SEMA7A: variants seen among roughly 807,000 people sequenced by gnomAD.
The protein encoded by SEMA7A is semaphorin 7A (JohnMiltonHagen blood group).
In SEMA7A, 21 loss-of-function variants were observed where a neutral mutation model predicts 67.5. The observed-to-expected ratio is 0.31, with a 90% CI of 0.22 to 0.45. SEMA7A has a LOEUF of 0.45. Among genes scored for constraint, SEMA7A ranks in the 20% least tolerant of loss-of-function variants. The probability of loss-of-function intolerance (pLI) is 1.00; values close to 1 mark genes in which losing one functional copy is unlikely to be tolerated. For synonymous variants in SEMA7A, 364 were observed against 368.5 expected, an observed-to-expected ratio of 0.99 and a Z score of 0.14; for missense variants, 774 against 908.6, an observed-to-expected ratio of 0.85 and a Z score of 1.90.
chr15:74,417,760 CA>C, intron 4 of SEMA7A, 85 bp from the exon 5 acceptor site: 1 of 1,545,898 alleles, frequency 6.5e-7, no homozygotes, highest in Non-Finnish European at 8.9e-7. Context: ...CCAGGAGCCC[CA>C]TCCTCCCAGG....
intron 6 of SEMA7A, 129 bp downstream of exon 6, chr15:74,417,206 A>G: frequency 2.7e-6 from 2 of 742,828 alleles, no homozygotes; most frequent in Non-Finnish European, 4.7e-6. Flanking sequence ...GGCCTATACC[A>G]AGGTCCTGCT....
At chr15:74,433,224 C>A (rs1024640308) in intron 1 of SEMA7A, among the ~76,000 whole-genome samples, 1 of 151,486 alleles carries the variant, frequency 6.6e-6, no homozygotes, top group African/African-American at 2.4e-5. Flanking sequence ...GGGGCGGGGG[C>A]GGGGGCAGGC....
intron 1 of SEMA7A, among the ~76,000 whole-genome samples, chr15:74,431,288 C>G (rs2061086434): frequency 6.6e-6 from 1 of 152,150 alleles, no homozygotes; most frequent in South Asian, 2.1e-4. Context: ...CAAGGACACC[C>G]AGCAGGTACA....
chr15:74,411,285 G>T lies in SEMA7A; in HGVS notation c.1639+10C>A, dbSNP rs766135470. 2 of 1,613,506 alleles carry T rather than the reference G, an allele frequency of 1.2e-6. No individual in the cohort carries two copies. The highest frequency in any genetic ancestry group is 1.7e-5 in the Admixed American group (1 of 59,970). On this transcript the variant is annotated intron_variant, in intron 13 of 13. Coordinates refer to ENST00000261918, the MANE Select transcript of SEMA7A (RefSeq NM_003612.5). This position sits in a 1 kb window ranked among gnomAD's most constrained non-coding sequence, Gnocchi z 4.4. Reference sequence around the variant, plus strand: ...TGGGCCACAGCCGCCAGCAGGGCCAGATCAGGTACCTGGTTTGGGGTTGGG... The same window carrying T: ...TGGGCCACAGCCGCCAGCAGGGCCATATCAGGTACCTGGTTTGGGGTTGGG...
At position 74,415,995 on chromosome 15, in the gene SEMA7A, T is replaced by C. The variant is rs571389930; in HGVS notation, c.802-10A>G. ...CCCCACCCTGGTCCCCCTGGAAGGGTAGAGGGGAGAAGAGGCCCCTCAGCA... is the reference window on the plus strand; with the variant it reads ...CCCCACCCTGGTCCCCCTGGAAGGGCAGAGGGGAGAAGAGGCCCCTCAGCA... On this transcript the variant is annotated splice_polypyrimidine_tract_variant and intron_variant, in intron 7 of 13. Transcript: ENST00000261918. The C allele has an allele frequency of 6.8e-6, 11 of 1,612,374 alleles. No individual in the cohort carries two copies. In the African/African-American group the frequency reaches 8.0e-5, roughly 12 times the overall value.
At chr15:74,417,713 C>A in intron 4 of SEMA7A, 38 bp from the exon 5 acceptor site, 1 of 1,578,840 alleles carries the variant, frequency 6.3e-7, no homozygotes, top group South Asian at 1.1e-5. Flanking sequence ...CCACATAATC[C>A]CACAGCCACT....
intron 1 of SEMA7A, among the ~76,000 whole-genome samples, chr15:74,432,312 G>A (rs756655550): frequency 7.2e-5 from 11 of 152,168 alleles, no homozygotes; most frequent in Non-Finnish European, 5.9e-5. Flanking sequence ...GGATGGCAGA[G>A]GGGTGTGCAG....
In SEMA7A at chr15:74,417,842, G is replaced by A. The variant is rs1259330158; in HGVS notation, c.465+35C>T. 6.8e-6 allele frequency: 11 copies of A among 1,607,558 alleles called. No individual in the cohort carries two copies. The South Asian group carries it at 9.9e-5, about 14-fold the overall frequency. ...GGCAGAAGCCCACGCAGTAGAAGGT[G>A]AGCTGATCAGGCACATGGGGAGCAG... On this transcript the variant is annotated intron_variant, in intron 4 of 13. Coordinates refer to ENST00000261918, the MANE Select transcript of SEMA7A (RefSeq NM_003612.5).
At chr15:74,426,088 C>T (rs1350360179) in intron 1 of SEMA7A, among the ~76,000 whole-genome samples, 1 of 152,126 alleles carries the variant, frequency 6.6e-6, no homozygotes, top group African/African-American at 2.4e-5. Flanking sequence ...GCCTGGCCAA[C>T]ATGGTGAAAC....
chr15:74,433,540 G>A, intron 1 of SEMA7A: 1 of 1,207,912 alleles, frequency 8.3e-7, no homozygotes. Context: ...GCTCGCCGCA[G>A]CGTTACAGCC....
intron 1 of SEMA7A, among the ~76,000 whole-genome samples, chr15:74,419,520 G>A (rs2060981235): frequency 6.6e-6 from 1 of 152,138 alleles, no homozygotes; most frequent in Admixed American, 6.5e-5. Flanking sequence ...CCCATCCCCA[G>A]CCCCTTAGTG....
chr15:74,417,979 G>A lies in SEMA7A; in HGVS notation c.373-10C>T. 3.1e-6 allele frequency: 5 copies of A among 1,612,336 alleles called. No homozygotes were observed. The highest frequency in any genetic ancestry group is 3.4e-6 in the Non-Finnish European group (4 of 1,179,734). ...TGTAGTTCTCGCAGTCCTGCCCGGG[G>A]AAGAGAGAAGGGAGGAGAGAAATTG... On this transcript the variant is annotated splice_polypyrimidine_tract_variant and intron_variant, in intron 3 of 13. Transcript: ENST00000261918.
chr15:74,430,714 C>T (rs1351382983), intron 1 of SEMA7A, among the ~76,000 whole-genome samples: 1 of 152,220 alleles, frequency 6.6e-6, no homozygotes, highest in Non-Finnish European at 1.5e-5. Flanking sequence ...CCATGAGACT[C>T]TGTGGAGGGA....
chr15:74,433,653 C>G, intron 1 of SEMA7A, 88 bp downstream of exon 1: 1 of 1,313,056 alleles, frequency 7.6e-7, no homozygotes, highest in Non-Finnish European at 9.7e-7. Flanking sequence ...GAGCTGCGCG[C>G]ACGCACTCCC....
At chr15:74,412,499 C>A (rs2060910477) in intron 10 of SEMA7A, among the ~76,000 whole-genome samples, 1 of 152,204 alleles carries the variant, frequency 6.6e-6, no homozygotes, top group Non-Finnish European at 1.5e-5. Flanking sequence ...AACCACTCAG[C>A]TGCTTCTACA....
At chr15:74,419,970 C>T (rs1438656519) in intron 1 of SEMA7A, among the ~76,000 whole-genome samples, 7 of 152,116 alleles carry the variant, frequency 4.6e-5, no homozygotes, top group South Asian at 2.1e-4. Flanking sequence ...GTGGTTGTGC[C>T]CCCAGCAATC....
chr15:74,430,571 G>A (rs369822796), intron 1 of SEMA7A, among the ~76,000 whole-genome samples: 11 of 152,162 alleles, frequency 7.2e-5, no homozygotes, highest in South Asian at 4.1e-4. Context: ...CCATTCCACC[G>A]GACCTGCTCT....
rs370613645 is a variant in SEMA7A at position 74,425,056 on chromosome 15, G to C, written c.179-6104C>G. Among the ~76,000 whole-genome samples the C allele has an allele frequency of 6.0e-4, 92 of 152,324 alleles. No individual in the cohort carries two copies. In the South Asian group the frequency reaches 0.019, roughly 31 times the overall value. On this transcript the variant is annotated intron_variant, in intron 1 of 13. Coordinates refer to ENST00000261918, the MANE Select transcript of SEMA7A (RefSeq NM_003612.5). Reference sequence around the variant, plus strand: ...GGTTCCCCAGTCTTAGCCTTAGCCTGAACCAGCAGGGGAGACTGAGCAAGG... The same window carrying C: ...GGTTCCCCAGTCTTAGCCTTAGCCTCAACCAGCAGGGGAGACTGAGCAAGG...
Position 74,412,019 on chromosome 15 carries a change from A to T in SEMA7A, c.1295-7T>A. ...TTGTGGATAGTGCCCCTGTCTGTGT[A>T]TGGTGGACAGAGGGTCAGTGGGCGG... On this transcript the variant is annotated splice_polypyrimidine_tract_variant and splice_region_variant and intron_variant, in intron 10 of 13. Transcript: ENST00000261918. 2 of 1,609,146 alleles carry T rather than the reference A, an allele frequency of 1.2e-6. No individual in the cohort carries two copies. Among genetic ancestry groups the T allele is most frequent in the Non-Finnish European group, 1.7e-6 (2 of 1,177,206 alleles).
Sources: allele counts gnomAD v4.1 joint callset (sites outside exome capture counted in the v4.1 genomes callset), GRCh38; gene constraint gnomAD v4.1.1; non-coding constraint Gnocchi (gnomAD v3.1); transcripts MANE v1.5; gene names NCBI Gene and HGNC (gene_info 2026-07-23, HGNC 2026-07-21).